Variants in GRM5 observed in about 807,000 individuals in gnomAD.
GRM5 encodes metabotropic glutamate receptor 5.
Under a neutral mutation model 83.1 loss-of-function variants are expected in GRM5, and 19 were observed. The ratio of observed to expected loss-of-function variants is 0.23; its 90% confidence interval spans 0.16 to 0.34. The LOEUF is 0.34. Ranked by LOEUF, GRM5 falls within the 10% of genes least tolerant of loss-of-function variation. The probability of loss-of-function intolerance (pLI) is 1.00; values close to 1 mark genes in which losing one functional copy is unlikely to be tolerated. For missense variants in GRM5, 1,160 were observed against 1,588.3 expected (o/e 0.73, Z 4.58); for synonymous variants, 675 against 633.6 (o/e 1.07, Z -0.98).
chr11:89,034,332 C>T (rs1156333852), intron 2 of GRM5, among the ~76,000 whole-genome samples: 1 of 151,874 alleles, frequency 6.6e-6, no homozygotes, highest in Non-Finnish European at 1.5e-5. Flanking sequence ...ATCTACGGTG[C>T]TCTAAATGAT....
chr11:88,646,728 A>G (rs145812894), intron 4 of GRM5, among the ~76,000 whole-genome samples: 4 of 152,032 alleles, frequency 2.6e-5, no homozygotes, highest in African/African-American at 9.7e-5. Flanking sequence ...GATATATAGA[A>G]GCAACAAAGA....
chr11:88,678,062 A>ATTT (rs11413890), intron 3 of GRM5, among the ~76,000 whole-genome samples: 11 of 146,848 alleles, frequency 7.5e-5, no homozygotes, highest in African/African-American at 1.2e-4. Flanking sequence ...TAATTTCTGA[A>ATTT]TTTTTTTTTT....
At chr11:88,541,398 T>A (rs1942263306) in intron 8 of GRM5, among the ~76,000 whole-genome samples, 2 of 152,202 alleles carry the variant, frequency 1.3e-5, no homozygotes, top group Non-Finnish European at 2.9e-5. Context: ...TTAAGTAGTA[T>A]CATCTGTATA....
chr11:88,625,639 G>T (rs1192902367), intron 4 of GRM5, among the ~76,000 whole-genome samples: 1 of 152,094 alleles, frequency 6.6e-6, no homozygotes, highest in Non-Finnish European at 1.5e-5. Flanking sequence ...GAGAAAGGGA[G>T]GGGGGCAAGG....
At chr11:88,712,286 GC>G (rs1941300052) in intron 3 of GRM5, among the ~76,000 whole-genome samples, 2 of 151,910 alleles carry the variant, frequency 1.3e-5, no homozygotes, top group African/African-American at 4.8e-5. Flanking sequence ...TTCTGAAGTA[GC>G]CCCGTCTCCA....
rs865816304 is a variant in GRM5 at position 88,637,855 on chromosome 11, T to C, written c.1147+15313A>G. On this transcript the variant is annotated intron_variant, in intron 4 of 9. Coordinates refer to ENST00000305447, the MANE Select transcript of GRM5 (RefSeq NM_001143831.3). ...ATGCTGCTATAAAGACACATGCACATGTATGTTTATTGCGGCATTATTCAC... is the reference window on the plus strand; with the variant it reads ...ATGCTGCTATAAAGACACATGCACACGTATGTTTATTGCGGCATTATTCAC... Among the ~76,000 whole-genome samples, 592 of 148,808 alleles carry C rather than the reference T, an allele frequency of 4.0e-3. 1 individual carries two copies. Among genetic ancestry groups the C allele is most frequent in the African/African-American group, 0.013 (539 of 40,582 alleles).
In GRM5 at chr11:88,590,594, A is replaced by G; in HGVS notation, c.1690+7T>C. On this transcript the variant is annotated splice_region_variant and intron_variant, in intron 7 of 9. Coordinates refer to ENST00000305447, the MANE Select transcript of GRM5 (RefSeq NM_001143831.3). ...AATTTATATGTGGTGAGATTGTGAT[A>G]GATTACCTGTGAGATCATCAGTGGG... The G allele has an allele frequency of 1.2e-6, 2 of 1,610,926 alleles. No individual in the cohort carries two copies. Among genetic ancestry groups the G allele is most frequent in the Non-Finnish European group, 1.7e-6 (2 of 1,177,344 alleles).
At chr11:88,774,185 T>TGTGAATAAA (rs1942799071) in intron 3 of GRM5, among the ~76,000 whole-genome samples, 1 of 152,212 alleles carries the variant, frequency 6.6e-6, no homozygotes, top group African/African-American at 2.4e-5. Flanking sequence ...GTAAGTTGGA[T>TGTGAATAAA]TCCTAGGCAT....
At chr11:89,004,772 T>C (rs187452283) in intron 2 of GRM5, among the ~76,000 whole-genome samples, 6 of 152,300 alleles carry the variant, frequency 3.9e-5, no homozygotes, top group East Asian at 1.9e-4. Flanking sequence ...ATTTGCAAGG[T>C]TGGTGAGAAA....
intron 3 of GRM5, among the ~76,000 whole-genome samples, chr11:88,675,609 A>C (rs368456532): frequency 2.6e-5 from 4 of 152,154 alleles, no homozygotes; most frequent in African/African-American, 9.6e-5. Context: ...TAATGTACGC[A>C]TTCAGAGGAG....
intron 3 of GRM5, among the ~76,000 whole-genome samples, chr11:88,671,959 C>G (rs1427434738): frequency 1.3e-5 from 2 of 151,922 alleles, no homozygotes; most frequent in African/African-American, 4.8e-5. Context: ...TTTATTTAAA[C>G]AGAAAACTTA....
rs1295756254 is a variant in GRM5, at chr11:88,525,404, C to A, written c.2631G>T (p.Arg877Ser). 5 of 1,590,192 alleles carry A rather than the reference C, an allele frequency of 3.1e-6. No individual in the cohort carries two copies. In the Admixed American group the frequency reaches 5.0e-5, roughly 16 times the overall value. Reference protein sequence around the residue: ...KRRGSSGETLRYKDRRLAQHK... With the variant: ...KRRGSSGETLSYKDRRLAQHK... ...GCTGGGCCAGTCTCCTGTCTTTGTA[C>A]CTGGTGAGCATGAACAAGGACAGGA... Residue 877 changes from arginine to serine, a missense_variant and splice_region_variant, in exon 9 of 10, where the codon AGG becomes AGT. Physicochemically the swap from Arg to Ser is moderately radical, Grantham distance 110. Transcript: ENST00000305447.
chr11:88,993,794 T>C (rs1940077872), intron 2 of GRM5, among the ~76,000 whole-genome samples: 1 of 152,194 alleles, frequency 6.6e-6, no homozygotes, highest in Non-Finnish European at 1.5e-5. Flanking sequence ...TAATCATGGC[T>C]CGCTGTAGCC....
intron 4 of GRM5, among the ~76,000 whole-genome samples, chr11:88,616,362 G>A (rs940891189): frequency 6.6e-6 from 1 of 150,750 alleles, no homozygotes; most frequent in Non-Finnish European, 1.5e-5. Flanking sequence ...AGAGAGATGG[G>A]GGTTGGATAA....
intron 2 of GRM5, among the ~76,000 whole-genome samples, chr11:88,991,444 A>G (rs1281926462): frequency 1.3e-5 from 2 of 152,182 alleles, no homozygotes; most frequent in African/African-American, 4.8e-5. Flanking sequence ...TGCCCAAGGT[A>G]ATTTATAGAT....
At chr11:89,006,729 T>C (rs1940537905) in intron 2 of GRM5, among the ~76,000 whole-genome samples, 1 of 152,218 alleles carries the variant, frequency 6.6e-6, no homozygotes, top group Non-Finnish European at 1.5e-5. Context: ...ACCTTTACCT[T>C]GTCCTTGTCC....
At chr11:89,034,633 T>C (rs1377563819) in intron 2 of GRM5, among the ~76,000 whole-genome samples, 1 of 151,890 alleles carries the variant, frequency 6.6e-6, no homozygotes, top group Non-Finnish European at 1.5e-5. Flanking sequence ...TGTAGACTAA[T>C]GAATAAAATA....
intron 3 of GRM5, among the ~76,000 whole-genome samples, chr11:88,683,406 T>C (rs1160294562): frequency 6.6e-6 from 1 of 152,258 alleles, no homozygotes; most frequent in African/African-American, 2.4e-5. Context: ...AGTCACATTC[T>C]ATTACTTTAG....
At chr11:88,642,846 A>G (rs1036472082) in intron 4 of GRM5, among the ~76,000 whole-genome samples, 4 of 152,136 alleles carry the variant, frequency 2.6e-5, no homozygotes, top group Non-Finnish European at 5.9e-5. Flanking sequence ...CACTGTCCGT[A>G]TCACTATCAT....
Sources: allele counts gnomAD v4.1 joint callset (sites outside exome capture counted in the v4.1 genomes callset), GRCh38; gene constraint gnomAD v4.1.1; transcripts MANE v1.5; gene names NCBI Gene and HGNC (gene_info 2026-07-23, HGNC 2026-07-21).